The following LMTK2 variants were observed in gnomAD, a reference collection of about 807,000 sequenced individuals.
LMTK2 encodes the protein lemur tail kinase 2.
LMTK2 carries 37 observed loss-of-function variants against 127.5 expected under a neutral mutation model. That is an observed-to-expected ratio of 0.29 (90% CI 0.22 to 0.38). The LOEUF (loss-of-function observed/expected upper bound fraction) is 0.38. LMTK2 is among the 10% of genes least tolerant of loss of function. The pLI, the probability that LMTK2 is intolerant of heterozygous loss-of-function variation, is 1.00. For missense variants in LMTK2, 1,694 were observed against 1,920.3 expected (o/e 0.88, Z 2.20); for synonymous variants, 819 against 810.1 (o/e 1.01, Z -0.19).
chr7:98,179,643 C>CTT, intron 7 of LMTK2, among the ~76,000 whole-genome samples: 2 of 144,074 alleles, frequency 1.4e-5, no homozygotes, highest in African/African-American at 5.2e-5. Context: ...CCCTCCCTCC[C>CTT]TCTCTCCCTT....
In LMTK2 at chr7:98,191,762, A is replaced by G. The variant is rs1226178657; in HGVS notation, c.1297A>G (p.Thr433Ala). The G allele has an allele frequency of 1.2e-6, 2 of 1,614,052 alleles. No homozygotes were observed. Among genetic ancestry groups the G allele is most frequent in the Admixed American group, 1.7e-5 (1 of 60,004 alleles). ...GCAGTGGAACGCTCTGAAGCCGAAC[A>G]CAAACAGCAGAGACTCCTCCAACAA... ...EQQWNALKPN[T>A]NSRDSSNNAA... The change falls in exon 11 of 14, where the codon ACA (threonine) becomes GCA (alanine). Residue 433 changes from threonine (T) to alanine (A), a missense_variant. Physicochemically the swap from Thr to Ala is moderately conservative, Grantham distance 58 (BLOSUM62 0). Around this residue, in one of 8 missense-constraint regions of LMTK2, gnomAD observed 216 missense variants for 266.8 expected, o/e 0.81. Transcript: ENST00000297293.
chr7:98,133,605 C>T (rs552793542), intron 1 of LMTK2, among the ~76,000 whole-genome samples: 1 of 152,050 alleles, frequency 6.6e-6, no homozygotes, highest in Non-Finnish European at 1.5e-5. Flanking sequence ...TTGAAGCTAC[C>T]TAGTCAATTT....
chr7:98,191,576 G>T (rs754254528), intron 10 of LMTK2, 38 bp from the exon 11 acceptor site: 7 of 1,449,674 alleles, frequency 4.8e-6, no homozygotes, highest in Non-Finnish European at 9.3e-7. Flanking sequence ...AAAAAAATTC[G>T]TGATGGTTCC....
chr7:98,132,221 G>C (rs907600438), intron 1 of LMTK2, among the ~76,000 whole-genome samples: 6 of 152,074 alleles, frequency 3.9e-5, no homozygotes, highest in Non-Finnish European at 1.5e-5. Context: ...GCAGCTCTCT[G>C]AACTGGTCAC....
chr7:98,158,200 A>T (rs1172499456), intron 5 of LMTK2, among the ~76,000 whole-genome samples: 2 of 152,240 alleles, frequency 1.3e-5, no homozygotes, highest in Non-Finnish European at 2.9e-5. Context: ...ATGGAAAAGA[A>T]TGTATAAGCT....
At chr7:98,135,137 A>G (rs1291373184) in intron 1 of LMTK2, among the ~76,000 whole-genome samples, 1 of 152,074 alleles carries the variant, frequency 6.6e-6, no homozygotes, top group Non-Finnish European at 1.5e-5. Context: ...TCTTCACTGA[A>G]GCTTATTTTA....
intron 1 of LMTK2, among the ~76,000 whole-genome samples, chr7:98,107,549 G>C (rs575717558): frequency 1.1e-3 from 164 of 152,366 alleles, no homozygotes; most frequent in Non-Finnish European, 1.6e-3. Flanking sequence ...GCCGGCCCTG[G>C]ACCTGTTGCC....
In LMTK2 at chr7:98,192,326, G is replaced by A. The variant is rs989055511; in HGVS notation, c.1861G>A (p.Asp621Asn). Residue 621 changes from aspartate to asparagine, a missense_variant, in exon 11 of 14, where the codon GAC becomes AAC. Asp to Asn is a conservative substitution (Grantham distance 23, BLOSUM62 1). Coordinates refer to ENST00000297293, the MANE Select transcript of LMTK2 (RefSeq NM_014916.4). ...TDPKDSSLPGDLHVTSGPESP... is the reference protein window; with the variant it reads ...TDPKDSSLPGNLHVTSGPESP... ...CCCCAAAGACTCTAGCTTACCAGGG[G>A]ACTTACACGTGACCAGTGGCCCCGA... 16 of 1,564,000 alleles carry A rather than the reference G, an allele frequency of 1.0e-5. No individual in the cohort carries two copies. The highest frequency in any genetic ancestry group is 1.4e-5 in the Non-Finnish European group (16 of 1,160,440).
In LMTK2 at chr7:98,177,983, A is replaced by G. The variant is rs539068988; in HGVS notation, c.791+6309A>G. On this transcript the variant is annotated intron_variant, in intron 7 of 13. Coordinates refer to ENST00000297293, the MANE Select transcript of LMTK2 (RefSeq NM_014916.4). ...TTAAGTCTTTGTGGCTGCCAGAGTC[A>G]GAATGACGTGACGAGCAGAGGGAGG... 2.0e-5 allele frequency among the ~76,000 whole-genome samples: 3 copies of G among 152,334 alleles called. No homozygotes were observed. The South Asian group carries it at 6.2e-4, about 32-fold the overall frequency.
At chr7:98,164,516 T>C (rs1288815891) in intron 6 of LMTK2, among the ~76,000 whole-genome samples, 2 of 152,190 alleles carry the variant, frequency 1.3e-5, no homozygotes, top group Admixed American at 1.3e-4. Flanking sequence ...TTAAGTAAGA[T>C]GATGGATGAG....
intron 11 of LMTK2, among the ~76,000 whole-genome samples, chr7:98,197,816 G>T (rs1048585585): frequency 6.6e-6 from 1 of 152,162 alleles, no homozygotes; most frequent in Non-Finnish European, 1.5e-5. Context: ...CACTGCAGCC[G>T]GGATGGCAGA....
At chr7:98,145,729 A>T (rs1050351353) in intron 3 of LMTK2, among the ~76,000 whole-genome samples, 1 of 152,214 alleles carries the variant, frequency 6.6e-6, no homozygotes, top group Non-Finnish European at 1.5e-5. Context: ...AATAACATGA[A>T]TTACAAATAT....
chr7:98,201,632 GAC>G (rs1584301428), intron 11 of LMTK2, among the ~76,000 whole-genome samples: 1 of 107,810 alleles, frequency 9.3e-6, no homozygotes, highest in African/African-American at 2.9e-5. Context: ...TTTTGTTTGA[GAC>G]AGAGTCTTGC....
chr7:98,162,627 C>T (rs1328389956), intron 6 of LMTK2, among the ~76,000 whole-genome samples: 1 of 152,216 alleles, frequency 6.6e-6, no homozygotes, highest in Non-Finnish European at 1.5e-5. Context: ...AAAGCTTCCA[C>T]TGGCAGTGCA....
At chr7:98,200,800 A>G (rs1380443417) in intron 11 of LMTK2, among the ~76,000 whole-genome samples, 1 of 152,094 alleles carries the variant, frequency 6.6e-6, no homozygotes, top group Non-Finnish European at 1.5e-5. Flanking sequence ...AATAGTTGTT[A>G]TACTGTATTA....
At chr7:98,185,762 A>G (rs538208130) in intron 8 of LMTK2, among the ~76,000 whole-genome samples, 1 of 148,998 alleles carries the variant, frequency 6.7e-6, no homozygotes, top group South Asian at 2.1e-4. Flanking sequence ...GAGTCTTGCT[A>G]TATTGCCCAG....
intron 3 of LMTK2, among the ~76,000 whole-genome samples, chr7:98,148,713 A>C (rs1326152430): frequency 6.6e-6 from 1 of 152,200 alleles, no homozygotes; most frequent in Non-Finnish European, 1.5e-5. Context: ...AGAAGAAAGA[A>C]AACAAAAAAT....
chr7:98,197,550 A>G (rs1199740059), intron 11 of LMTK2, among the ~76,000 whole-genome samples: 3 of 152,220 alleles, frequency 2.0e-5, no homozygotes, highest in African/African-American at 4.8e-5. Context: ...CTGATCCGTC[A>G]TACTGTAAAC....
chr7:98,168,700 G>T (rs1029338017), intron 6 of LMTK2, among the ~76,000 whole-genome samples: 1 of 152,162 alleles, frequency 6.6e-6, no homozygotes, highest in Non-Finnish European at 1.5e-5. Flanking sequence ...GAGCGGGCTT[G>T]CGAGGAACCT....
Sources: gnomAD v4.1 joint callset for allele counts (sites outside exome capture counted in the v4.1 genomes callset) on GRCh38, gnomAD v4.1.1 for gene constraint, gnomAD v4.1.1 regional missense constraint, MANE v1.5 for transcripts, NCBI Gene and HGNC (gene_info 2026-07-23, HGNC 2026-07-21) for gene names.